The following ANO7 variants were observed in gnomAD, a reference collection of about 807,000 sequenced individuals.
The protein encoded by ANO7 is anoctamin 7.
Under a neutral mutation model 115.8 loss-of-function variants are expected in ANO7, and 114 were observed. The observed-to-expected ratio is 0.98, with a 90% confidence interval of 0.85 to 1.15. The LOEUF is 1.15. ANO7 is among the 50% of genes most tolerant of loss of function. The pLI, the probability that ANO7 is intolerant of heterozygous loss-of-function variation, is 0.00. For missense variants in ANO7, 1,302 were observed against 1,201.2 expected, an observed-to-expected ratio of 1.08 and a Z score of -1.24; for synonymous variants, 550 against 498.2, an observed-to-expected ratio of 1.10 and a Z score of -1.38.
intron 16 of ANO7, 130 bp downstream of exon 16, chr2:241,212,335 C>A: frequency 1.0e-6 from 1 of 970,360 alleles, no homozygotes. Flanking sequence ...GAGACCCAGG[C>A]AGGGGACAGG....
Position 241,223,757 on chromosome 2 carries a change from T to C in ANO7, c.2508T>C (p.Ala836=), listed in dbSNP as rs373778371. The C allele has an allele frequency of 7.4e-6, 12 of 1,614,204 alleles. No individual in the cohort carries two copies. Among genetic ancestry groups the C allele is most frequent in the Middle Eastern group, 1.6e-4 (1 of 6,062 alleles). The change falls in exon 23 of 25, where the codon GCT becomes GCC. Residue 836 remains alanine (A), a synonymous_variant. Transcript: ENST00000674324. ...EIKVKREYYL[A]KQALAENEVL... ...AAGTGAAGCGGGAGTACTACCTGGC[T>C]AAGCAGGCACTGGCTGAGAATGAGG...
intron 9 of ANO7, among the ~76,000 whole-genome samples, chr2:241,204,490 C>T (rs951783495): frequency 3.9e-5 from 6 of 152,074 alleles, no homozygotes; most frequent in African/African-American, 2.4e-5. Flanking sequence ...GGCTGGAACA[C>T]GGGTGGGCCC....
chr2:241,220,380 G>A (rs1395366834), intron 21 of ANO7, among the ~76,000 whole-genome samples: 1 of 151,390 alleles, frequency 6.6e-6, no homozygotes, highest in African/African-American at 2.5e-5. Flanking sequence ...TGGCTTTTCT[G>A]ATTGGAAGCA....
At chr2:241,219,600 C>T (rs1386658428) in intron 21 of ANO7, among the ~76,000 whole-genome samples, 1 of 151,612 alleles carries the variant, frequency 6.6e-6, no homozygotes, top group Non-Finnish European at 1.5e-5. Flanking sequence ...CTGGGTCTTG[C>T]TCTGTATCCC....
the ANO7 span, among the ~76,000 whole-genome samples, chr2:241,234,179 C>CT: frequency 6.6e-6 from 1 of 152,206 alleles, no homozygotes. Context: ...ACAAGGAGGT[C>CT]TATAAATCCT....
chr2:241,236,567 G>A, the ANO7 span: 68 of 1,598,880 alleles, frequency 4.3e-5, no homozygotes, highest in African/African-American at 7.6e-4. Context: ...CCAGGTGCCT[G>A]CTGACTGGGC....
Position 241,209,590 on chromosome 2 carries a change from C to T in ANO7, c.1314C>T (p.Ser438=). 6.2e-7 allele frequency: 1 copy of T among 1,600,264 alleles called. No individual in the cohort carries two copies. Among genetic ancestry groups the T allele is most frequent in the Non-Finnish European group, 8.5e-7 (1 of 1,174,058 alleles). ...ACGAGCCCTACTTCCCTGAGAGGAG[C>T]CGCGCGCGCCGCATGCTGGCCGGCT... ...GEDEPYFPER[S]RARRMLAGSV... The change falls in exon 13 of 25, where the codon AGC becomes AGT. Residue 438 remains serine, a synonymous_variant. Coordinates refer to ENST00000674324, the MANE Select transcript of ANO7 (RefSeq NM_001370694.2).
At position 241,191,207 on chromosome 2, in the gene ANO7, A is replaced by C; in HGVS notation, c.122A>C (p.Gln41Pro). The C allele has an allele frequency of 6.2e-7, 1 of 1,613,910 alleles. No individual in the cohort carries two copies. Among genetic ancestry groups the C allele is most frequent in the South Asian group, 1.1e-5 (1 of 91,088 alleles). Reference protein sequence around the residue: ...TAHASEPGGQQAAACRAGSPA... With the variant: ...TAHASEPGGQPAAACRAGSPA... ...CATGCCTTCCAGCCAGGTGGACAGC[A>C]AGCGGCCGCCTGCAGAGCTGGGAGT... Residue 41 changes from glutamine (Q) to proline (P), a missense_variant, in exon 3 of 25, where the codon CAA (glutamine) becomes CCA (proline). By Grantham distance (76) the Gln-to-Pro change is moderately conservative. Transcript: ENST00000674324.
chr2:241,200,572 C>A (rs2068448538), intron 6 of ANO7, among the ~76,000 whole-genome samples: 1 of 152,220 alleles, frequency 6.6e-6, no homozygotes, highest in Non-Finnish European at 1.5e-5. Context: ...GTCACAGCGT[C>A]CCCAACTGTG....
Position 241,201,464 on chromosome 2 carries a change from C to T in ANO7, c.612+109C>T, listed in dbSNP as rs924928698. 7.1e-5 allele frequency: 89 copies of T among 1,256,718 alleles called. 1 individual carries two copies. The highest frequency in any genetic ancestry group is 3.8e-4 in the Middle Eastern group (2 of 5,200). 77.8% of individuals were successfully genotyped at this position (1,256,718 alleles called of 1,614,324 possible). On this transcript the variant is annotated intron_variant, in intron 7 of 24. Coordinates refer to ENST00000674324, the MANE Select transcript of ANO7 (RefSeq NM_001370694.2). ...AAAGGCCTGCTTGAGACCAGAGGGC[C>T]GAGGCCTGGAGCCCGGAGGCTTTGG...
the ANO7 span, chr2:241,239,908 T>C: frequency 5.0e-6 from 8 of 1,614,092 alleles, 1 homozygote; most frequent in Middle Eastern, 4.9e-4. This position sits in a 1 kb window ranked among gnomAD's most constrained non-coding sequence, Gnocchi z 4.6. Flanking sequence ...TACCAGGTTT[T>C]GGATCAAGGC....
chr2:241,191,394 G>A (rs1476969406), intron 3 of ANO7, 143 bp downstream of exon 3: 4 of 991,950 alleles, frequency 4.0e-6, no homozygotes, highest in Non-Finnish European at 6.0e-6. Context: ...GGGCACTGGG[G>A]TGAGGGCCTC....
In ANO7 at chr2:241,224,537, C is replaced by T. The variant is rs568043057; in HGVS notation, c.*384C>T. ...GGCCACATCGCCCTCTCCTCTTACA[C>T]CTGGTGACCTTCGAATGTTTCAGAG... On this transcript the variant is annotated 3_prime_UTR_variant, in exon 25 of 25. Coordinates refer to ENST00000674324, the MANE Select transcript of ANO7 (RefSeq NM_001370694.2). 6.0e-3 allele frequency: 1,481 copies of T among 248,464 alleles called. 13 individuals carry two copies. Among genetic ancestry groups the T allele is most frequent in the Non-Finnish European group, 8.1e-3 (1,025 of 126,080 alleles). 15.4% of individuals were successfully genotyped at this position (248,464 alleles called of 1,614,324 possible).
chr2:241,199,548 C>G, intron 5 of ANO7, 125 bp downstream of exon 5: 1 of 901,934 alleles, frequency 1.1e-6, no homozygotes, highest in Non-Finnish European at 1.7e-6. Context: ...CTCCTCCTAC[C>G]CACCCCGACA....
chr2:241,210,114 A>G (rs2068686239), intron 13 of ANO7, among the ~76,000 whole-genome samples, 181 bp from the exon 14 acceptor site: 1 of 152,168 alleles, frequency 6.6e-6, no homozygotes. Flanking sequence ...CCTCTGCCTG[A>G]GCAACTCATC....
intron 6 of ANO7, 147 bp downstream of exon 6, chr2:241,200,372 C>T (rs1559443191): frequency 1.7e-6 from 2 of 1,152,658 alleles, no homozygotes; most frequent in South Asian, 1.6e-5. Flanking sequence ...ACGCTTATCG[C>T]GTGTCTGCAT....
chr2:241,215,956 C>T (rs1440068140), intron 18 of ANO7, 137 bp from the exon 19 acceptor site: 4 of 1,121,748 alleles, frequency 3.6e-6, no homozygotes, highest in African/African-American at 1.6e-5. Flanking sequence ...ACCCCTCAGC[C>T]CCAGACCCCA....
chr2:241,191,338 G>C, intron 3 of ANO7, 87 bp downstream of exon 3: 1 of 1,542,920 alleles, frequency 6.5e-7, no homozygotes, highest in Non-Finnish European at 8.9e-7. Flanking sequence ...CAGCAGGCTG[G>C]GGTAGCCTCC....
At chr2:241,209,190 G>A in intron 11 of ANO7, 95 bp from the exon 12 acceptor site, 1 of 1,366,012 alleles carries the variant, frequency 7.3e-7, no homozygotes, top group Non-Finnish European at 9.8e-7. Context: ...GATGTGTGTG[G>A]GATGCACACT....
Sources: allele counts gnomAD v4.1 joint callset (sites outside exome capture counted in the v4.1 genomes callset), GRCh38; gene constraint gnomAD v4.1.1; non-coding constraint Gnocchi (gnomAD v3.1); transcripts MANE v1.5; gene names NCBI Gene and HGNC (gene_info 2026-07-23, HGNC 2026-07-21).